The following BBS9 variants were observed in gnomAD, a reference collection of about 807,000 sequenced individuals.
BBS9 encodes protein PTHB1.
A neutral mutation model predicts 117.7 loss-of-function variants in BBS9; 89 were observed. That is an observed-to-expected ratio of 0.76 (90% confidence interval 0.64 to 0.90). BBS9 has a LOEUF of 0.90. Ranked by LOEUF, BBS9 falls within the 40% of genes least tolerant of loss-of-function variation. The probability of loss-of-function intolerance (pLI) is 0.00; values close to 1 mark genes in which losing one functional copy is unlikely to be tolerated. For synonymous variants in BBS9, 379 were observed against 370.9 expected, an observed-to-expected ratio of 1.02 and a Z score of -0.25; for missense variants, 982 against 1,042.2, an observed-to-expected ratio of 0.94 and a Z score of 0.80.
At chr7:33,336,677 T>A (rs1160965306) in intron 10 of BBS9, 55 bp downstream of exon 10, 21 of 1,177,402 alleles carry the variant, frequency 1.8e-5, no homozygotes, top group Non-Finnish European at 2.3e-5. Flanking sequence ...ATTCATATTA[T>A]CTTGTAGATA....
intron 20 of BBS9, among the ~76,000 whole-genome samples, chr7:33,511,826 A>G (rs756504502): frequency 5.3e-5 from 8 of 152,222 alleles, no homozygotes; most frequent in Admixed American, 5.2e-4. Context: ...CTCACTTACA[A>G]GGTTTAAAGA....
At chr7:33,259,857 G>A (rs1797671563) in intron 6 of BBS9, among the ~76,000 whole-genome samples, 1 of 148,384 alleles carries the variant, frequency 6.7e-6, no homozygotes, top group East Asian at 2.0e-4. Flanking sequence ...CATTCCCATT[G>A]GTTCAGGCCT....
chr7:33,370,636 G>C (rs186261983), intron 17 of BBS9, among the ~76,000 whole-genome samples: 20 of 152,166 alleles, frequency 1.3e-4, no homozygotes, highest in African/African-American at 3.9e-4. Context: ...CTATAATTTC[G>C]AGTGATTCAG....
chr7:33,477,118 T>C (rs540477142), intron 19 of BBS9, among the ~76,000 whole-genome samples: 90 of 152,296 alleles, frequency 5.9e-4, no homozygotes, highest in Non-Finnish European at 1.1e-3. Context: ...TTCTCATCCA[T>C]AAGATGGTGA....
At chr7:33,241,242 A>T (rs1420342106) in intron 5 of BBS9, among the ~76,000 whole-genome samples, 1 of 152,152 alleles carries the variant, frequency 6.6e-6, no homozygotes, top group East Asian at 1.9e-4. Context: ...CTAGGTAGGC[A>T]AAGCTATGTT....
chr7:33,212,068 C>T (rs1299398924), intron 5 of BBS9, among the ~76,000 whole-genome samples: 2 of 152,134 alleles, frequency 1.3e-5, no homozygotes, highest in Non-Finnish European at 2.9e-5. Context: ...TAGGTTAAAT[C>T]AGCTTAGTGT....
chr7:33,278,529 G>C (rs951110549), intron 9 of BBS9, among the ~76,000 whole-genome samples: 1 of 152,128 alleles, frequency 6.6e-6, no homozygotes, highest in African/African-American at 2.4e-5. Context: ...TCCTAGTCCT[G>C]AGACTAGATG....
intron 19 of BBS9, among the ~76,000 whole-genome samples, chr7:33,415,214 AGT>A: frequency 6.6e-6 from 1 of 152,186 alleles, no homozygotes; most frequent in Non-Finnish European, 1.5e-5. Flanking sequence ...AAAGTATGTC[AGT>A]GTGTCTTGTA....
downstream of BBS9, among the ~76,000 whole-genome samples, chr7:33,607,759 C>T (rs1864659397): frequency 6.6e-6 from 1 of 152,032 alleles, no homozygotes; most frequent in South Asian, 2.1e-4. Context: ...GCAAAAGCTT[C>T]TTTCAGCTTT....
In BBS9 at chr7:33,146,354, A is replaced by T. The variant is rs753601080; in HGVS notation, c.102A>T (p.Gly34=). Residue 34 remains glycine (G), a synonymous_variant, in exon 2 of 23, where the codon GGA becomes GGT. Coordinates refer to ENST00000242067, the MANE Select transcript of BBS9 (RefSeq NM_198428.3). ...CLCLANVDNS[G]NGQDKIIVGS... is the part of the protein sequence containing the mutation. ...GTCTGGCTAATGTTGACAATAGTGG[A>T]AATGGACAAGGTAAGCAACTTACAA... 11 of 1,613,118 alleles carry T rather than the reference A, an allele frequency of 6.8e-6. No homozygotes were observed. In the South Asian group the frequency reaches 1.1e-4, roughly 16 times the overall value.
At chr7:33,415,587 A>T (rs908872049) in intron 19 of BBS9, among the ~76,000 whole-genome samples, 1 of 152,200 alleles carries the variant, frequency 6.6e-6, no homozygotes, top group Non-Finnish European at 1.5e-5. Flanking sequence ...AATAATTCCC[A>T]GTGTTGACAG....
intron 5 of BBS9, among the ~76,000 whole-genome samples, chr7:33,213,772 C>CATTTGGGA (rs1328661423): frequency 6.6e-6 from 1 of 152,124 alleles, no homozygotes; most frequent in African/African-American, 2.4e-5. Context: ...CTAGAAATGT[C>CATTTGGGA]ATTTGGGAGC....
chr7:33,505,814 G>A (rs1382596613), intron 20 of BBS9, 169 bp downstream of exon 20: 3 of 716,040 alleles, frequency 4.2e-6, no homozygotes, highest in Non-Finnish European at 6.8e-6. Flanking sequence ...TCAAACAAAG[G>A]CCTTTTTCTG....
intron 9 of BBS9, among the ~76,000 whole-genome samples, chr7:33,295,843 A>C (rs1805147299): frequency 6.6e-6 from 1 of 152,086 alleles, no homozygotes; most frequent in Non-Finnish European, 1.5e-5. Flanking sequence ...GAATTTTTTT[A>C]AGTTACAAAT....
At chr7:33,424,091 C>T (rs1455064416) in intron 19 of BBS9, among the ~76,000 whole-genome samples, 2 of 152,122 alleles carry the variant, frequency 1.3e-5, no homozygotes, top group Non-Finnish European at 2.9e-5. Context: ...CTTTTCTCAT[C>T]ACCTTGTAGC....
At chr7:33,421,636 A>T (rs959072616) in intron 19 of BBS9, among the ~76,000 whole-genome samples, 1 of 152,176 alleles carries the variant, frequency 6.6e-6, no homozygotes, top group African/African-American at 2.4e-5. Context: ...TTTCTTAGTC[A>T]GTCTGGAATG....
At chr7:33,445,770 G>C (rs532704374) in intron 19 of BBS9, among the ~76,000 whole-genome samples, 1 of 152,102 alleles carries the variant, frequency 6.6e-6, no homozygotes, top group Non-Finnish European at 1.5e-5. Context: ...TGCTGTTCTC[G>C]TGATAGTAAG....
At chr7:33,173,745 G>A (rs1796942877) in intron 4 of BBS9, among the ~76,000 whole-genome samples, 1 of 152,056 alleles carries the variant, frequency 6.6e-6, no homozygotes, top group African/African-American at 2.4e-5. Flanking sequence ...TGCCATTTCT[G>A]TTAGACTTTA....
chr7:33,269,393 C>T (rs1799370793), intron 7 of BBS9, among the ~76,000 whole-genome samples: 1 of 152,116 alleles, frequency 6.6e-6, no homozygotes, highest in African/African-American at 2.4e-5. Flanking sequence ...GGCTTGGGTC[C>T]ACAGCTCTCC....
Sources: allele counts gnomAD v4.1 joint callset (sites outside exome capture counted in the v4.1 genomes callset), GRCh38; gene constraint gnomAD v4.1.1; transcripts MANE v1.5; gene names NCBI Gene and HGNC (gene_info 2026-07-23, HGNC 2026-07-21).